NSUN4: variants seen among roughly 807,000 people sequenced by gnomAD.
The protein encoded by NSUN4 is NOP2/Sun RNA methyltransferase 4, also known as 5-cytosine rRNA methyltransferase NSUN4.
Under a neutral mutation model 43.8 loss-of-function variants are expected in NSUN4, and 31 were observed. That is an observed-to-expected ratio of 0.71 (90% confidence interval 0.53 to 0.96). NSUN4 has a LOEUF of 0.96. Ranked by LOEUF, NSUN4 falls within the 40% of genes least tolerant of loss-of-function variation. NSUN4 has a pLI of 0.00. For synonymous variants in NSUN4, 167 were observed against 184.1 expected (o/e 0.91, Z 0.75); for missense variants, 439 against 475.6 (o/e 0.92, Z 0.72).
rs767488351 is a variant in NSUN4 at position 46,361,843 on chromosome 1, A to G, written c.1152A>G (p.Thr384=). Residue 384 remains threonine (T), a synonymous_variant, in exon 6 of 6, where the codon ACA becomes ACG. Transcript: ENST00000474844. ...PMYFCKMRRL[T] ...ACTTCTGCAAAATGCGTAGGCTGACATAGTATCACCCAATCCCTGAAGCAA... is the reference window on the plus strand; with the variant it reads ...ACTTCTGCAAAATGCGTAGGCTGACGTAGTATCACCCAATCCCTGAAGCAA... 13 of 1,613,584 alleles carry G rather than the reference A, an allele frequency of 8.1e-6. No individual in the cohort carries two copies. Among genetic ancestry groups the G allele is most frequent in the South Asian group, 3.3e-5 (3 of 91,062 alleles).
Position 46,361,675 on chromosome 1 carries a change from G to A in NSUN4, c.984G>A (p.Leu328=). The A allele has an allele frequency of 6.2e-7, 1 of 1,614,150 alleles. No homozygotes were observed. Among genetic ancestry groups the A allele is most frequent in the Non-Finnish European group, 8.5e-7 (1 of 1,180,028 alleles). ...EYVVQGAIEL[L]ANQYSIQVQV... is the part of the protein sequence containing the mutation. ...TGGTGCAAGGTGCCATTGAGCTCCT[G>A]GCCAATCAATACAGCATCCAGGTAC... is the stretch of plus-strand genomic sequence containing the variant. The change falls in exon 6 of 6, where the codon CTG becomes CTA. Residue 328 remains leucine (L), a synonymous_variant. Coordinates refer to ENST00000474844, the MANE Select transcript of NSUN4 (RefSeq NM_199044.4).
chr1:46,342,903 CCTT>C (rs1210526410), intron 1 of NSUN4: 4 of 400,086 alleles, frequency 1.0e-5, no homozygotes, highest in African/African-American at 2.1e-5. Flanking sequence ...CCTCTCTGGT[CCTT>C]CTTGTATGCA....
At chr1:46,380,218 C>A in the NSUN4 span, among the ~76,000 whole-genome samples, 2 of 152,178 alleles carry the variant, frequency 1.3e-5, no homozygotes, top group Non-Finnish European at 2.9e-5. Context: ...AAGGTATTAC[C>A]TGTCTTCCCA....
chr1:46,351,194 C>T (rs1347794285), intron 3 of NSUN4, among the ~76,000 whole-genome samples: 5 of 151,826 alleles, frequency 3.3e-5, no homozygotes, highest in East Asian at 2.0e-4. Flanking sequence ...GGAGAAACCC[C>T]GTCTCTACTA....
At chr1:46,367,454 G>A (rs150427976), downstream of NSUN4, among the ~76,000 whole-genome samples, 394 of 152,180 alleles carry the variant, frequency 2.6e-3, 3 homozygotes, top group African/African-American at 8.5e-3. Context: ...AGAGTTATTC[G>A]TTAATTTGAA....
At chr1:46,358,045 G>C (rs1663508729) in intron 4 of NSUN4, among the ~76,000 whole-genome samples, 1 of 152,120 alleles carries the variant, frequency 6.6e-6, no homozygotes. Context: ...CTCCCAAATA[G>C]CTGGGATTAC....
the NSUN4 span, among the ~76,000 whole-genome samples, chr1:46,375,620 C>T: frequency 6.6e-6 from 1 of 151,214 alleles, no homozygotes; most frequent in Non-Finnish European, 1.5e-5. Context: ...ACCTGTAGTC[C>T]CAGCTACTCT....
At chr1:46,383,850 T>G in the NSUN4 span, among the ~76,000 whole-genome samples, 20 of 152,204 alleles carry the variant, frequency 1.3e-4, 1 homozygote, top group South Asian at 3.9e-3. Flanking sequence ...GCAATTTACC[T>G]CTATAGAAGG....
Position 46,354,212 on chromosome 1 carries a change from T to G in NSUN4, c.753+1184T>G, listed in dbSNP as rs576998178. On this transcript the variant is annotated intron_variant, in intron 4 of 5. Coordinates refer to ENST00000474844, the MANE Select transcript of NSUN4 (RefSeq NM_199044.4). Reference sequence around the variant, plus strand: ...GCCTCAACCTCCTGGGCTCAAGGGGTCCTCCTGCCTCAGTTTCCCGAGTAG... The same window carrying G: ...GCCTCAACCTCCTGGGCTCAAGGGGGCCTCCTGCCTCAGTTTCCCGAGTAG... Among the ~76,000 whole-genome samples, 12 of 150,644 alleles carry G rather than the reference T, an allele frequency of 8.0e-5. No homozygotes were observed. The East Asian group carries it at 2.4e-3, about 30-fold the overall frequency.
At chr1:46,356,218 T>C (rs1396950953) in intron 4 of NSUN4, among the ~76,000 whole-genome samples, 1 of 152,128 alleles carries the variant, frequency 6.6e-6, no homozygotes, top group Non-Finnish European at 1.5e-5. Context: ...ACTACAGGCA[T>C]GTGCACCATG....
Position 46,344,835 on chromosome 1 carries a change from T to C in NSUN4, c.128T>C (p.Leu43Pro), listed in dbSNP as rs778784725. 6.2e-6 allele frequency: 10 copies of C among 1,614,122 alleles called. No individual in the cohort carries two copies. The African/African-American group carries it at 1.3e-4, about 22-fold the overall frequency. ...ATEPKFPAVR[L>P]ALQNFDMTYS... Reference sequence around the variant, plus strand: ...GAGCCCAAATTCCCTGCTGTTCGACTGGCTTTGCAGAATTTTGACATGACT... The same window carrying C: ...GAGCCCAAATTCCCTGCTGTTCGACCGGCTTTGCAGAATTTTGACATGACT... The change falls in exon 2 of 6, where the codon CTG becomes CCG. Residue 43 changes from leucine to proline, a missense_variant. Physicochemically the swap from Leu to Pro is moderately conservative, Grantham distance 98 (BLOSUM62 -3). Transcript: ENST00000474844.
chr1:46,383,068 G>T, the NSUN4 span, among the ~76,000 whole-genome samples: 1 of 152,188 alleles, frequency 6.6e-6, no homozygotes, highest in Admixed American at 6.5e-5. Flanking sequence ...CCCTGGTCTG[G>T]CATTCCTTCT....
the NSUN4 span, chr1:46,370,698 A>G: frequency 6.6e-6 from 1 of 152,236 alleles, no homozygotes; most frequent in Non-Finnish European, 1.5e-5. Flanking sequence ...ATAAAAAGGG[A>G]AAAATCCCAC....
At chr1:46,383,053 A>C in the NSUN4 span, among the ~76,000 whole-genome samples, 1 of 151,670 alleles carries the variant, frequency 6.6e-6, no homozygotes, top group Admixed American at 6.6e-5. Flanking sequence ...AGGTCCCCAG[A>C]CTCCCCCTGG....
rs1353300516 is a variant in NSUN4, at chr1:46,361,613, T to A, written c.922T>A (p.Ser308Thr). The A allele has an allele frequency of 1.9e-6, 3 of 1,614,246 alleles. No individual in the cohort carries two copies. Among genetic ancestry groups the A allele is most frequent in the South Asian group, 2.2e-5 (2 of 91,088 alleles). The change falls in exon 6 of 6, where the codon TCT becomes ACT. Residue 308 changes from serine (S) to threonine (T), a missense_variant. Physicochemically the swap from Ser to Thr is moderately conservative, Grantham distance 58. Transcript: ENST00000474844. The part of the protein sequence containing the change: ...ATKPGGHVVY[S>T]TCSLSHLQNE... ...CAAACCAGGAGGCCATGTTGTCTAT[T>A]CTACCTGCTCACTCTCACACTTACA...
chr1:46,358,791 T>C (rs1487681239), intron 4 of NSUN4, among the ~76,000 whole-genome samples: 2 of 152,198 alleles, frequency 1.3e-5, no homozygotes, highest in African/African-American at 4.8e-5. Flanking sequence ...TAACTTCTTT[T>C]GTTATTTAGG....
At chr1:46,348,808 GTTT>G (rs869234807) in intron 3 of NSUN4, among the ~76,000 whole-genome samples, 9 of 77,870 alleles carry the variant, frequency 1.2e-4, no homozygotes, top group South Asian at 4.6e-4. Flanking sequence ...CTTGTGCACT[GTTT>G]TTTTTTTTTT....
chr1:46,380,491 C>T, the NSUN4 span, among the ~76,000 whole-genome samples: 1 of 152,234 alleles, frequency 6.6e-6, no homozygotes, highest in Non-Finnish European at 1.5e-5. Flanking sequence ...GCTTGCCTCT[C>T]CCAACCCTCC....
intron 1 of NSUN4, chr1:46,342,080 A>T (rs1569730625): frequency 4.8e-6 from 3 of 621,644 alleles, no homozygotes; most frequent in Middle Eastern, 4.8e-4. Flanking sequence ...TCACGATTTC[A>T]CCTCCTCTTG....
Sources: allele counts gnomAD v4.1 joint callset (sites outside exome capture counted in the v4.1 genomes callset), GRCh38; gene constraint gnomAD v4.1.1; transcripts MANE v1.5; gene names NCBI Gene and HGNC (gene_info 2026-07-23, HGNC 2026-07-21).